The following GPR137B variants were observed in gnomAD, a reference collection of about 807,000 sequenced individuals.
GPR137B encodes the protein G protein-coupled receptor 137B.
GPR137B carries 42 observed loss-of-function variants against 42.5 expected under a neutral mutation model. That is an observed-to-expected ratio of 0.99 (90% CI 0.77 to 1.28). GPR137B has a LOEUF of 1.28. Among genes scored for constraint, GPR137B ranks in the 50% most tolerant of loss-of-function variants. GPR137B has a pLI of 0.00. For missense variants in GPR137B, 487 were observed against 493.9 expected (o/e 0.99, Z 0.13); for synonymous variants, 218 against 209.7 (o/e 1.04, Z -0.34).
chr1:236,167,370 C>T (rs557853042), intron 1 of GPR137B, among the ~76,000 whole-genome samples: 42 of 152,266 alleles, frequency 2.8e-4, no homozygotes, highest in Non-Finnish European at 4.9e-4. Flanking sequence ...ACTTACTCAA[C>T]GTGGCTGGAG....
rs765503669 is a variant in GPR137B, at chr1:236,150,199, CTGTG to C, written c.414+7171_414+7174del. ...TTTGTGTTTGTGTGTGTCTGTGTGC[CTGTG>C]TGTGTGTCTGTGCCTGTGTGTGCCT... On this transcript the variant is annotated intron_variant, in intron 1 of 6. Transcript: ENST00000366592. The surrounding 1 kb of genome is among the most constrained non-coding windows in gnomAD (Gnocchi z 6.2). Among the ~76,000 whole-genome samples, 5 of 136,254 alleles carry C rather than the reference CTGTG, an allele frequency of 3.7e-5. No homozygotes were observed. Among genetic ancestry groups the C allele is most frequent in the East Asian group, 2.2e-4 (1 of 4,538 alleles). The allele number at this position is 136,254 out of a possible 152,430, so 89.4% of individuals were successfully genotyped here.
At chr1:236,181,352 C>T (rs12081740) in intron 4 of GPR137B, among the ~76,000 whole-genome samples, 11,558 of 151,188 alleles carry the variant, frequency 0.076, 1,297 homozygotes, top group African/African-American at 0.25. Flanking sequence ...TTTTTTTCCT[C>T]ATCTTGGGCA....
intron 2 of GPR137B, among the ~76,000 whole-genome samples, chr1:236,170,131 T>C (rs6697888): frequency 0.041 from 6,058 of 149,440 alleles, 347 homozygotes; most frequent in African/African-American, 0.12. Context: ...GGGGGTGCAG[T>C]GTGAGTCCAG....
intron 1 of GPR137B, among the ~76,000 whole-genome samples, chr1:236,151,804 T>C (rs1173078626): frequency 6.6e-6 from 1 of 152,172 alleles, no homozygotes; most frequent in Non-Finnish European, 1.5e-5. Flanking sequence ...AAAACCCCCA[T>C]ACACGGTGGG....
intron 2 of GPR137B, among the ~76,000 whole-genome samples, chr1:236,169,228 A>G (rs28469253): frequency 0.17 from 21,526 of 126,532 alleles, 1,906 homozygotes; most frequent in East Asian, 0.29. Flanking sequence ...AGGTACAGGT[A>G]CAGGTGCAGG....
intron 1 of GPR137B, among the ~76,000 whole-genome samples, chr1:236,160,210 CT>C (rs1662147702): frequency 6.6e-6 from 1 of 152,222 alleles, no homozygotes; most frequent in African/African-American, 2.4e-5. Context: ...CTCCCCTCCC[CT>C]GTCCTCCCAT....
At position 236,163,678 on chromosome 1, in the gene GPR137B, T is replaced by C. The variant is rs556665917; in HGVS notation, c.415-5028T>C. Among the ~76,000 whole-genome samples the C allele has an allele frequency of 7.2e-5, 11 of 152,286 alleles. No individual in the cohort carries two copies. The South Asian group carries it at 2.1e-3, about 29-fold the overall frequency. On this transcript the variant is annotated intron_variant, in intron 1 of 6. Coordinates refer to ENST00000366592, the MANE Select transcript of GPR137B (RefSeq NM_003272.4). ...CCGCTTTTGCTTCTTCCTCATTTTT[T>C]TCTCTTGCTGCTGCCATGTAAGAAG...
intron 1 of GPR137B, among the ~76,000 whole-genome samples, chr1:236,166,507 T>TATATATAATATATATATTTAA (rs1662361782): frequency 7.0e-6 from 1 of 142,240 alleles, no homozygotes; most frequent in African/African-American, 2.8e-5. Context: ...TATATATTTA[T>TATATATAATATATATATTTAA]ATATATACAT....
chr1:236,205,851 T>G (rs1442873870), intron 6 of GPR137B, among the ~76,000 whole-genome samples: 1 of 152,200 alleles, frequency 6.6e-6, no homozygotes, highest in Non-Finnish European at 1.5e-5. Context: ...GAAAAAAAAC[T>G]TTTTAGAAAA....
chr1:236,188,561 C>T (rs971128623), intron 5 of GPR137B, among the ~76,000 whole-genome samples: 12 of 152,146 alleles, frequency 7.9e-5, no homozygotes, highest in African/African-American at 2.9e-4. Flanking sequence ...GTCTTTTCTG[C>T]ATCTATTGAG....
intron 2 of GPR137B, 95 bp downstream of exon 2, chr1:236,168,850 C>A: frequency 1.1e-6 from 1 of 922,072 alleles, no homozygotes; most frequent in Non-Finnish European, 1.8e-6. Context: ...CATCGCTGTT[C>A]TGTGAGCCGC....
At chr1:236,143,425 C>T (rs1364449228) in intron 1 of GPR137B, among the ~76,000 whole-genome samples, 1 of 152,262 alleles carries the variant, frequency 6.6e-6, no homozygotes, top group Non-Finnish European at 1.5e-5. Context: ...TTTGCCCTGC[C>T]TCCCCAGGCA....
At chr1:236,205,657 C>G (rs530763490) in intron 6 of GPR137B, among the ~76,000 whole-genome samples, 4 of 152,296 alleles carry the variant, frequency 2.6e-5, no homozygotes, top group Non-Finnish European at 5.9e-5. Context: ...TCTTGTGCCT[C>G]AGGCTCCTGA....
chr1:236,192,888 C>A (rs1558493869), intron 5 of GPR137B, among the ~76,000 whole-genome samples: 1 of 127,726 alleles, frequency 7.8e-6, no homozygotes, highest in Admixed American at 7.6e-5. Flanking sequence ...TCATTTCAAG[C>A]TTTTTTTGTT....
chr1:236,192,533 T>TG (rs1314716620), intron 5 of GPR137B, among the ~76,000 whole-genome samples: 1 of 152,114 alleles, frequency 6.6e-6, no homozygotes, highest in African/African-American at 2.4e-5. Flanking sequence ...GTGCAGTATC[T>TG]GGGCCGGAGT....
Position 236,171,339 on chromosome 1 carries a change from C to T in GPR137B, c.464+2584C>T, listed in dbSNP as rs1020776916. 2.0e-5 allele frequency among the ~76,000 whole-genome samples: 3 copies of T among 152,176 alleles called. No homozygotes were observed. Among genetic ancestry groups the T allele is most frequent in the African/African-American group, 7.2e-5 (3 of 41,440 alleles). ...CTCTTCTCCAGTAACAAGATAGTAGCCTCTCCTCTGCATCTATAGTCTTTG... is the reference window on the plus strand; with the variant it reads ...CTCTTCTCCAGTAACAAGATAGTAGTCTCTCCTCTGCATCTATAGTCTTTG... On this transcript the variant is annotated intron_variant, in intron 2 of 6. Transcript: ENST00000366592. The surrounding 1 kb of genome is among the most constrained non-coding windows in gnomAD (Gnocchi z 4.4).
chr1:236,165,724 G>A (rs1013218638), intron 1 of GPR137B, among the ~76,000 whole-genome samples: 5 of 152,216 alleles, frequency 3.3e-5, no homozygotes, highest in Admixed American at 6.5e-5. Flanking sequence ...GCTGTATACC[G>A]TATGTTTCTC....
chr1:236,164,719 T>TCATATATAA (rs1662298346), intron 1 of GPR137B, among the ~76,000 whole-genome samples: 1 of 152,218 alleles, frequency 6.6e-6, no homozygotes, highest in African/African-American at 2.4e-5. Flanking sequence ...TTTGTTGATA[T>TCATATATAA]TATCTATATA....
At position 236,155,629 on chromosome 1, in the gene GPR137B, G is replaced by A. The variant is rs1224648115; in HGVS notation, c.414+12593G>A. On this transcript the variant is annotated intron_variant, in intron 1 of 6. Coordinates refer to ENST00000366592, the MANE Select transcript of GPR137B (RefSeq NM_003272.4). The surrounding 1 kb of genome is among the most constrained non-coding windows in gnomAD (Gnocchi z 4.6). ...CCACCCTGAGTTCTGCCTTCTGGGTGGCCAGCCTGTGTTGGCGCCGTTGGA... is the reference window on the plus strand; with the variant it reads ...CCACCCTGAGTTCTGCCTTCTGGGTAGCCAGCCTGTGTTGGCGCCGTTGGA... 2.6e-5 allele frequency among the ~76,000 whole-genome samples: 4 copies of A among 152,186 alleles called. No individual in the cohort carries two copies. The highest frequency in any genetic ancestry group is 4.4e-5 in the Non-Finnish European group (3 of 67,996).
Sources: allele counts gnomAD v4.1 joint callset (sites outside exome capture counted in the v4.1 genomes callset), GRCh38; gene constraint gnomAD v4.1.1; non-coding constraint Gnocchi (gnomAD v3.1); transcripts MANE v1.5; gene names NCBI Gene and HGNC (gene_info 2026-07-23, HGNC 2026-07-21).